DTX1: variants seen among roughly 807,000 people sequenced by gnomAD.
DTX1 encodes deltex E3 ubiquitin ligase 1, also known as E3 ubiquitin-protein ligase DTX1.
DTX1 carries 26 observed loss-of-function variants against 57.8 expected under a neutral mutation model. The observed-to-expected ratio is 0.45, with a 90% CI of 0.33 to 0.62. The LOEUF is 0.62. DTX1 is among the 20% of genes least tolerant of loss of function. The pLI is 0.02. For missense variants in DTX1, 704 were observed against 895.3 expected (o/e 0.79, Z 2.73); for synonymous variants, 398 against 394.1 (o/e 1.01, Z -0.12).
rs747371751 is a variant in DTX1 at position 113,077,432 on chromosome 12, C to G, written c.268C>G (p.Arg90Gly). 6.2e-7 allele frequency: 1 copy of G among 1,604,844 alleles called. No individual in the cohort carries two copies. The highest frequency in any genetic ancestry group is 1.3e-5 in the African/African-American group (1 of 74,758). ...HQFRQDTGTM[R>G]PVRRNFYDPS... ...CCCCATTTCGAGTACAGGCACCATG[C>G]GGCCCGTGCGGCGCAACTTCTACGA... The change falls in exon 3 of 10, where the codon CGG becomes GGG. Residue 90 changes from arginine to glycine, a missense_variant. Physicochemically the swap from Arg to Gly is moderately radical, Grantham distance 125. Around this residue, in one of 3 missense-constraint regions of DTX1, gnomAD observed 237 missense variants for 328.6 expected, o/e 0.72. Transcript: ENST00000548759. This position sits in a 1 kb window ranked among gnomAD's most constrained non-coding sequence, Gnocchi z 7.8.
At chr12:113,073,514 G>T (rs1224964392) in intron 2 of DTX1, among the ~76,000 whole-genome samples, 2 of 152,158 alleles carry the variant, frequency 1.3e-5, no homozygotes, top group South Asian at 4.1e-4. Flanking sequence ...CTGGGGCTGG[G>T]CTGCCAGTCC....
chr12:113,094,124 G>T, intron 6 of DTX1, 25 bp downstream of exon 6: 1 of 1,435,180 alleles, frequency 7.0e-7, no homozygotes, highest in Non-Finnish European at 9.6e-7. Flanking sequence ...GGGGGGCTGG[G>T]GGAGGGCCCT....
In DTX1 at chr12:113,097,187, A is replaced by C; in HGVS notation, c.*248A>C. 1.9e-6 allele frequency: 1 copy of C among 518,756 alleles called. No individual in the cohort carries two copies. The highest frequency in any genetic ancestry group is 3.5e-6 in the Non-Finnish European group (1 of 289,408). 32.1% of individuals were successfully genotyped at this position (518,756 alleles called of 1,614,324 possible). On this transcript the variant is annotated 3_prime_UTR_variant, in exon 10 of 10. Coordinates refer to ENST00000548759, the MANE Select transcript of DTX1 (RefSeq NM_004416.3). ...GGAAACCTCCCTACCAAAAAGACAG[A>C]GACCCGCCCCCTCACACACAAACAC...
rs535823369 is a variant in DTX1 at position 113,061,951 on chromosome 12, C to T, written c.259+3500C>T. Among the ~76,000 whole-genome samples the T allele has an allele frequency of 1.1e-4, 16 of 152,094 alleles. No individual in the cohort carries two copies. The South Asian group carries it at 3.3e-3, about 32-fold the overall frequency. On this transcript the variant is annotated intron_variant, in intron 2 of 9. Coordinates refer to ENST00000548759, the MANE Select transcript of DTX1 (RefSeq NM_004416.3). ...GAACTCCTGGCCTCAAGTGAGCCGC[C>T]CGCCTCGGCCTCCCAAAGTGCTGGG... is the stretch of plus-strand genomic sequence containing the variant.
chr12:113,095,744 T>C (rs374742094), intron 9 of DTX1: 1 of 317,620 alleles, frequency 3.1e-6, no homozygotes. Flanking sequence ...ACCCTACAGG[T>C]TGTCTGATTT....
intron 2 of DTX1, among the ~76,000 whole-genome samples, chr12:113,064,488 C>T (rs1490745504): frequency 6.6e-6 from 1 of 152,194 alleles, no homozygotes; most frequent in East Asian, 1.9e-4. Context: ...TCTAATCTAT[C>T]CATTTCAGAT....
In DTX1 at chr12:113,073,013, G is replaced by A. The variant is rs902900740; in HGVS notation, c.260-4411G>A. ...TGAGCCACTGCACCTGGCTCGACCC[G>A]AGAGACTTCTGAGTTGCTTGAATCA... On this transcript the variant is annotated intron_variant, in intron 2 of 9. Coordinates refer to ENST00000548759, the MANE Select transcript of DTX1 (RefSeq NM_004416.3). Among the ~76,000 whole-genome samples, 4 of 152,078 alleles carry A rather than the reference G, an allele frequency of 2.6e-5. No homozygotes were observed. In the East Asian group the frequency reaches 5.8e-4, roughly 22 times the overall value.
Position 113,095,162 on chromosome 12 carries a change from C to T in DTX1, c.1507C>T (p.Gln503Ter). ...PHSLPGFPDT[Q>*]TIRIVYDIPT... ...CTCGCTGCCCGGCTTCCCTGATACC[C>T]AGACCATCCGCATCGTCTATGACAT... Residue 503 changes from glutamine to a stop codon, truncating the protein, a stop_gained, in exon 8 of 10, where the codon CAG (glutamine) becomes TAG (stop). Transcript: ENST00000548759. LOFTEE classifies it high-confidence loss of function. 1 of 1,613,082 alleles carries T rather than the reference C, an allele frequency of 6.2e-7. No individual in the cohort carries two copies.
In DTX1 at chr12:113,095,172, G is replaced by C; in HGVS notation, c.1517G>C (p.Arg506Pro). ...LPGFPDTQTIRIVYDIPTGIQ... is the reference protein window; with the variant it reads ...LPGFPDTQTIPIVYDIPTGIQ... ...GGCTTCCCTGATACCCAGACCATCC[G>C]CATCGTCTATGACATCCCCACAGGC... The change falls in exon 8 of 10, where the codon CGC (arginine) becomes CCC (proline). Residue 506 changes from arginine to proline, a missense_variant. Around this residue, in one of 3 missense-constraint regions of DTX1, gnomAD observed 168 missense variants for 255.6 expected, o/e 0.66. Coordinates refer to ENST00000548759, the MANE Select transcript of DTX1 (RefSeq NM_004416.3). 2 of 1,612,070 alleles carry C rather than the reference G, an allele frequency of 1.2e-6. No individual in the cohort carries two copies. Among genetic ancestry groups the C allele is most frequent in the Non-Finnish European group, 1.7e-6 (2 of 1,178,384 alleles).
At chr12:113,066,948 C>G (rs533438218) in intron 2 of DTX1, among the ~76,000 whole-genome samples, 124 of 152,148 alleles carry the variant, frequency 8.1e-4, no homozygotes, top group African/African-American at 2.9e-3. Flanking sequence ...GCTCGGCCAC[C>G]CTGGCCAAGC....
At chr12:113,088,119 C>T (rs571378266) in intron 3 of DTX1, among the ~76,000 whole-genome samples, 5 of 152,334 alleles carry the variant, frequency 3.3e-5, no homozygotes, top group Non-Finnish European at 5.9e-5. Context: ...GCCCCTGACT[C>T]GGAAACTCCA....
At position 113,056,853 on chromosome 12, in the gene DTX1, G is replaced by A. The variant is rs1317596864; in HGVS notation, c.-836G>A. On this transcript the variant is annotated 5_prime_UTR_variant, in exon 1 of 10. Transcript: ENST00000548759. ...CCTGGGAGGGAACGGGCGCGGAGGCGGGACCGCGGCTCCCTCCCACTCCGG... is the reference window on the plus strand; with the variant it reads ...CCTGGGAGGGAACGGGCGCGGAGGCAGGACCGCGGCTCCCTCCCACTCCGG... 1 of 152,246 alleles carries A rather than the reference G, an allele frequency of 6.6e-6. No individual in the cohort carries two copies. Among genetic ancestry groups the A allele is most frequent in the Non-Finnish European group, 1.5e-5 (1 of 68,122 alleles). 9.4% of individuals were successfully genotyped at this position (152,246 alleles called of 1,614,324 possible). A position where few individuals can be genotyped will look rare whatever the true frequency, so the allele number is the denominator to read the frequency against.
chr12:113,095,135 C>A lies in DTX1; in HGVS notation c.1480C>A (p.His494Asn). 6.2e-7 allele frequency: 1 copy of A among 1,613,680 alleles called. No homozygotes were observed. The highest frequency in any genetic ancestry group is 8.5e-7 in the Non-Finnish European group (1 of 1,179,614). Reference protein sequence around the residue: ...PGKMEFHLIPHSLPGFPDTQT... With the variant: ...PGKMEFHLIPNSLPGFPDTQT... ...GAAGATGGAGTTCCACCTCATCCCC[C>A]ACTCGCTGCCCGGCTTCCCTGATAC... is the stretch of plus-strand genomic sequence containing the variant. Residue 494 changes from histidine to asparagine, a missense_variant, in exon 8 of 10, where the codon CAC becomes AAC. Transcript: ENST00000548759.
Position 113,094,785 on chromosome 12 carries a change from G to A in DTX1, c.1228-4G>A. Reference sequence around the variant, plus strand: ...TCCTCAGTCTCCCCTGCTGCCACCTGCAGGACTGCACCATCTGCATGGAGC... The same window carrying A: ...TCCTCAGTCTCCCCTGCTGCCACCTACAGGACTGCACCATCTGCATGGAGC... On this transcript the variant is annotated splice_region_variant and splice_polypyrimidine_tract_variant and intron_variant, in intron 6 of 9. Transcript: ENST00000548759. 6.2e-7 allele frequency: 1 copy of A among 1,612,372 alleles called. No individual in the cohort carries two copies. The highest frequency in any genetic ancestry group is 8.5e-7 in the Non-Finnish European group (1 of 1,179,038).
chr12:113,078,622 G>A (rs1180502473), intron 3 of DTX1, among the ~76,000 whole-genome samples: 2 of 152,102 alleles, frequency 1.3e-5, no homozygotes, highest in African/African-American at 2.4e-5. Context: ...GAAAGCTATG[G>A]TGCCTTCTCA....
chr12:113,093,178 G>C lies in DTX1; in HGVS notation c.958G>C (p.Val320Leu), dbSNP rs769814839. ...SIPPGVPALP[V>L]KNLNGTGPVH... is the part of the protein sequence containing the mutation. ...TCCCCGCAGGGTCCCCGCACTCCCG[G>C]TGAAGAACTTGAATGGTACTGGGCC... Residue 320 changes from valine (V) to leucine (L), a missense_variant, in exon 4 of 10, where the codon GTG (valine) becomes CTG (leucine). Val to Leu is a conservative substitution (Grantham distance 32). Coordinates refer to ENST00000548759, the MANE Select transcript of DTX1 (RefSeq NM_004416.3). This position sits in a 1 kb window ranked among gnomAD's most constrained non-coding sequence, Gnocchi z 4.2. 6.2e-7 allele frequency: 1 copy of C among 1,600,580 alleles called. No homozygotes were observed. The highest frequency in any genetic ancestry group is 8.5e-7 in the Non-Finnish European group (1 of 1,173,970).
chr12:113,058,496 A>G (rs2136421020), intron 2 of DTX1, 45 bp downstream of exon 2: 4 of 1,561,354 alleles, frequency 2.6e-6, no homozygotes, highest in Middle Eastern at 1.7e-4. Context: ...CCGAGCCATC[A>G]CTACCTTGCA....
chr12:113,081,803 G>A (rs1269579480), intron 3 of DTX1, among the ~76,000 whole-genome samples: 1 of 152,150 alleles, frequency 6.6e-6, no homozygotes, highest in African/African-American at 2.4e-5. Context: ...AGGGGCAGAG[G>A]TAGGAATGAA....
chr12:113,074,870 T>TG (rs1173260068), intron 2 of DTX1, among the ~76,000 whole-genome samples: 2 of 152,088 alleles, frequency 1.3e-5, no homozygotes, highest in East Asian at 3.8e-4. Flanking sequence ...GACCAAGATT[T>TG]GGGGGTCCAA....
Sources: allele counts gnomAD v4.1 joint callset (sites outside exome capture counted in the v4.1 genomes callset), GRCh38; gene constraint gnomAD v4.1.1; regional missense constraint gnomAD v4.1.1; non-coding constraint Gnocchi (gnomAD v3.1); transcripts MANE v1.5; gene names NCBI Gene and HGNC (gene_info 2026-07-23, HGNC 2026-07-21).